ATP2B2: variants seen among roughly 807,000 people sequenced by gnomAD.
ATP2B2 encodes the protein plasma membrane calcium-transporting ATPase 2.
Under a neutral mutation model 120.0 loss-of-function variants are expected in ATP2B2, and 15 were observed. The observed-to-expected ratio is 0.12, with a 90% CI of 0.08 to 0.19. The LOEUF is 0.19. Among genes scored for constraint, ATP2B2 ranks in the 10% least tolerant of loss-of-function variants. ATP2B2 has a pLI of 1.00. For missense variants in ATP2B2, 1,045 were observed against 1,719.8 expected (o/e 0.61, Z 6.94); for synonymous variants, 694 against 700.3 (o/e 0.99, Z 0.14).
intron 2 of ATP2B2, among the ~76,000 whole-genome samples, chr3:10,580,006 A>C (rs2068350732): frequency 6.6e-6 from 1 of 152,164 alleles, no homozygotes; most frequent in Non-Finnish European, 1.5e-5. Context: ...CAAGGGATTC[A>C]GAATGCAGTG....
chr3:10,482,459 G>A (rs1357928289), intron 1 of ATP2B2, among the ~76,000 whole-genome samples: 4 of 152,210 alleles, frequency 2.6e-5, no homozygotes. Context: ...ATCCCTCCAT[G>A]CCTCACCTGG....
intron 14 of ATP2B2, among the ~76,000 whole-genome samples, chr3:10,357,714 G>A (rs528572459): frequency 9.5e-4 from 144 of 152,312 alleles, no homozygotes; most frequent in African/African-American, 3.2e-3. Context: ...CCTAGCAGCT[G>A]AGTGAGTCCT....
chr3:10,432,110 A>G (rs973043843), intron 2 of ATP2B2, among the ~76,000 whole-genome samples: 1 of 152,232 alleles, frequency 6.6e-6, no homozygotes, highest in Non-Finnish European at 1.5e-5. Context: ...ACATTCAAAG[A>G]GCAGGGGCTT....
At chr3:10,511,690 G>A (rs139970719) in intron 3 of ATP2B2, among the ~76,000 whole-genome samples, 2 of 152,286 alleles carry the variant, frequency 1.3e-5, no homozygotes, top group Admixed American at 1.3e-4. Flanking sequence ...TGAGCCCAGG[G>A]CTGGACTCAA....
intron 2 of ATP2B2, among the ~76,000 whole-genome samples, chr3:10,606,645 T>G (rs1156961627): frequency 3.3e-5 from 5 of 151,232 alleles, no homozygotes; most frequent in Non-Finnish European, 7.4e-5. Flanking sequence ...TGCAGGGGAG[T>G]TTTGGAGATG....
intron 1 of ATP2B2, among the ~76,000 whole-genome samples, chr3:10,666,014 C>T (rs900581806): frequency 6.6e-6 from 1 of 152,168 alleles, no homozygotes; most frequent in African/African-American, 2.4e-5. Flanking sequence ...GAGTCAGATA[C>T]ACTTAAGAAC....
intron 1 of ATP2B2, among the ~76,000 whole-genome samples, chr3:10,667,402 G>A (rs1416177208): frequency 6.6e-6 from 1 of 152,170 alleles, no homozygotes; most frequent in Non-Finnish European, 1.5e-5. Context: ...GTGCGTCCCT[G>A]AGACTGCCCT....
chr3:10,445,043 G>A (rs2063791897), intron 2 of ATP2B2, among the ~76,000 whole-genome samples: 1 of 152,218 alleles, frequency 6.6e-6, no homozygotes, highest in South Asian at 2.1e-4. Flanking sequence ...CTGATGGCAT[G>A]TTAACTCTGC....
At position 10,486,099 on chromosome 3, in the gene ATP2B2, A is replaced by T. The variant is rs139120708; in HGVS notation, c.-320+19366T>A. Reference sequence around the variant, plus strand: ...CCAGTGGCCAGGTCAGCATGCTTCCATCGCACTCATACAACATCATTCTGC... The same window carrying T: ...CCAGTGGCCAGGTCAGCATGCTTCCTTCGCACTCATACAACATCATTCTGC... On this transcript the variant is annotated intron_variant, in intron 1 of 22. Coordinates refer to ENST00000360273, the MANE Select transcript of ATP2B2 (RefSeq NM_001001331.4). 6.4e-3 allele frequency among the ~76,000 whole-genome samples: 979 copies of T among 152,250 alleles called. 9 individuals are homozygous for T. The highest frequency in any genetic ancestry group is 0.022 in the African/African-American group (930 of 41,528).
intron 1 of ATP2B2, among the ~76,000 whole-genome samples, chr3:10,620,894 T>G (rs1213068043): frequency 6.6e-6 from 1 of 152,078 alleles, no homozygotes; most frequent in Non-Finnish European, 1.5e-5. Context: ...GAGGGGCAAA[T>G]GGCAGGTATC....
chr3:10,375,593 A>G lies in ATP2B2; in HGVS notation c.1253T>C (p.Val418Ala). 6.2e-7 allele frequency: 1 copy of G among 1,613,816 alleles called. No individual in the cohort carries two copies. The highest frequency in any genetic ancestry group is 1.7e-5 in the Admixed American group (1 of 60,024). ...TVIILVLYFT[V>A]DTFVVNKKPW... ...CTTCTTGTTGACCACGAAGGTGTCC[A>G]CAGTGAAGTAGAGCACCAGGATGAT... Residue 418 changes from valine (V) to alanine (A), a missense_variant, in exon 11 of 23, where the codon GTG becomes GCG. Transcript: ENST00000360273. The surrounding 1 kb of genome is among the most constrained non-coding windows in gnomAD (Gnocchi z 4.2).
chr3:10,704,527 GA>G (rs67945544), intron 1 of ATP2B2, among the ~76,000 whole-genome samples: 13,966 of 152,188 alleles, frequency 0.092, 1,019 homozygotes, highest in African/African-American at 0.2. Context: ...AATCTAGCGG[GA>G]AAGCCCTTCT....
At chr3:10,663,376 C>A (rs2070839277) in intron 1 of ATP2B2, among the ~76,000 whole-genome samples, 1 of 152,028 alleles carries the variant, frequency 6.6e-6, no homozygotes, top group South Asian at 2.1e-4. Context: ...GGACACCAGC[C>A]AGGGACAGGG....
At chr3:10,405,678 A>G (rs2062386973) in intron 3 of ATP2B2, among the ~76,000 whole-genome samples, 1 of 152,030 alleles carries the variant, frequency 6.6e-6, no homozygotes, top group Non-Finnish European at 1.5e-5. Context: ...GCGGCTATAG[A>G]GGGTGTGGCC....
At chr3:10,655,557 A>G (rs9872155) in intron 1 of ATP2B2, among the ~76,000 whole-genome samples, 33,530 of 151,814 alleles carry the variant, frequency 0.22, 6,263 homozygotes, top group African/African-American at 0.5. Flanking sequence ...TTGCCTGGCA[A>G]TTAGTAGAAA....
Position 10,431,537 on chromosome 3 carries a change from G to A in ATP2B2, c.199+17808C>T, listed in dbSNP as rs142839753. On this transcript the variant is annotated intron_variant, in intron 2 of 22. Coordinates refer to ENST00000360273, the MANE Select transcript of ATP2B2 (RefSeq NM_001001331.4). ...ACTTTATTGTGATATTTGCCTTATC[G>A]CAGTGGTCTGGAACCCCCGTTATCT... Among the ~76,000 whole-genome samples the A allele has an allele frequency of 3.0e-4, 45 of 152,210 alleles. 1 individual carries two copies. The East Asian group carries it at 8.5e-3, about 29-fold the overall frequency.
rs531003810 is a variant in ATP2B2, at chr3:10,355,752, G to T, written c.2136+2939C>A. Among the ~76,000 whole-genome samples, 3 of 152,234 alleles carry T rather than the reference G, an allele frequency of 2.0e-5. No individual in the cohort carries two copies. The East Asian group carries it at 5.8e-4, about 29-fold the overall frequency. ...ATGGGGAGCTCTCATCCTTGTCCTC[G>T]TCTGCTCATCCTCTTGACTTAGAAC... On this transcript the variant is annotated intron_variant, in intron 14 of 22. Coordinates refer to ENST00000360273, the MANE Select transcript of ATP2B2 (RefSeq NM_001001331.4).
intron 1 of ATP2B2, among the ~76,000 whole-genome samples, chr3:10,672,702 A>T (rs2071132017): frequency 6.6e-6 from 1 of 152,198 alleles, no homozygotes; most frequent in Non-Finnish European, 1.5e-5. Flanking sequence ...AGGGTCATAA[A>T]TTTTTATTAA....
chr3:10,478,706 C>T (rs2065291755), intron 1 of ATP2B2, among the ~76,000 whole-genome samples: 1 of 152,192 alleles, frequency 6.6e-6, no homozygotes, highest in African/African-American at 2.4e-5. Flanking sequence ...TCCTACATTT[C>T]TTGAAACCCA....
Sources: allele counts gnomAD v4.1 joint callset (sites outside exome capture counted in the v4.1 genomes callset), GRCh38; gene constraint gnomAD v4.1.1; non-coding constraint Gnocchi (gnomAD v3.1); transcripts MANE v1.5; gene names NCBI Gene and HGNC (gene_info 2026-07-23, HGNC 2026-07-21).